The following ZNF688 variants were observed in gnomAD, a reference collection of about 807,000 sequenced individuals.
ZNF688 encodes the protein zinc finger protein 688.
A neutral mutation model predicts 13.2 loss-of-function variants in ZNF688; 10 were observed. That is an observed-to-expected ratio of 0.76 (90% confidence interval 0.47 to 1.28). The LOEUF is 1.28. ZNF688 is among the 50% of genes most tolerant of loss of function. The probability of loss-of-function intolerance (pLI) is 0.00; values close to 1 mark genes in which losing one functional copy is unlikely to be tolerated. For synonymous variants in ZNF688, 160 were observed against 159.4 expected (o/e 1.00, Z -0.03); for missense variants, 381 against 391.4 (o/e 0.97, Z 0.22).
Position 30,571,635 on chromosome 16 carries a change from C to G in ZNF688, c.-6G>C. 7.1e-7 allele frequency: 1 copy of G among 1,401,812 alleles called. No individual in the cohort carries two copies. The highest frequency in any genetic ancestry group is 9.2e-7 in the Non-Finnish European group (1 of 1,081,836). 86.8% of individuals were successfully genotyped at this position (1,401,812 alleles called of 1,614,324 possible). A position where few individuals can be genotyped will look rare whatever the true frequency, so the allele number is the denominator to read the frequency against. ...GGGGCTGGGGGCGGCGCCATGGGGC[C>G]TCGCAGCCCCGATCGGCGGCCGCCA... On this transcript the variant is annotated 5_prime_UTR_variant, in exon 1 of 3. Coordinates refer to ENST00000223459, the MANE Select transcript of ZNF688 (RefSeq NM_145271.4).
intron 2 of ZNF688, chr16:30,570,727 T>G: frequency 3.5e-6 from 1 of 288,432 alleles, no homozygotes; most frequent in Non-Finnish European, 5.9e-6. Context: ...GGGCTATTAT[T>G]TATTTATTTA....
At position 30,569,827 on chromosome 16, in the gene ZNF688, G is replaced by T; in HGVS notation, c.*89C>A. ...AGGAAAGCCCAGGGCATGAATTTCA[G>T]TTCCGGAGTCCCCGACTCAGTGGCC... is the stretch of plus-strand genomic sequence containing the variant. On this transcript the variant is annotated 3_prime_UTR_variant, in exon 3 of 3. Coordinates refer to ENST00000223459, the MANE Select transcript of ZNF688 (RefSeq NM_145271.4). 1 of 1,446,804 alleles carries T rather than the reference G, an allele frequency of 6.9e-7. No individual in the cohort carries two copies. Among genetic ancestry groups the T allele is most frequent in the Non-Finnish European group, 9.1e-7 (1 of 1,096,698 alleles). 89.6% of individuals were successfully genotyped at this position (1,446,804 alleles called of 1,614,324 possible). A position where few individuals can be genotyped will look rare whatever the true frequency, so the allele number is the denominator to read the frequency against.
At position 30,570,207 on chromosome 16, in the gene ZNF688, C is replaced by T; in HGVS notation, c.540G>A (p.Gln180=). Residue 180 remains glutamine (Q), a synonymous_variant, in exon 3 of 3, where the codon CAG becomes CAA. Coordinates refer to ENST00000223459, the MANE Select transcript of ZNF688 (RefSeq NM_145271.4). ...PIPSMDAQAG[Q]RRHVCTDCGR... ...CGCAGTCCGTGCACACGTGGCGCCG[C>T]TGGCCGGCCTGAGCATCCATGCTGG... 8 of 1,612,402 alleles carry T rather than the reference C, an allele frequency of 5.0e-6. No homozygotes were observed. The highest frequency in any genetic ancestry group is 1.7e-4 in the Middle Eastern group (1 of 6,048).
At chr16:30,570,650 C>T in intron 2 of ZNF688, 2 of 561,406 alleles carry the variant, frequency 3.6e-6, no homozygotes, top group Non-Finnish European at 6.0e-6. Context: ...TGGCTTTTGA[C>T]TTCACAGCGT....
upstream of ZNF688, among the ~76,000 whole-genome samples, chr16:30,576,308 C>T (rs1394035237): frequency 6.6e-6 from 1 of 152,154 alleles, no homozygotes; most frequent in African/African-American, 2.4e-5. Context: ...GCTTCCCGGG[C>T]TAACGCCATT....
the ZNF688 span, among the ~76,000 whole-genome samples, chr16:30,577,822 A>G: frequency 1.3e-5 from 2 of 151,910 alleles, no homozygotes; most frequent in Non-Finnish European, 2.9e-5. Flanking sequence ...AGCTGAAAAC[A>G]GCACAACCTG....
At chr16:30,576,167 C>T (rs2051744569), upstream of ZNF688, among the ~76,000 whole-genome samples, 1 of 152,180 alleles carries the variant, frequency 6.6e-6, no homozygotes, top group African/African-American at 2.4e-5. Context: ...CCTGCCTCAG[C>T]CTCCTGAGTA....
chr16:30,575,857 T>G (rs2151233589), upstream of ZNF688, among the ~76,000 whole-genome samples: 1 of 151,594 alleles, frequency 6.6e-6, no homozygotes, highest in South Asian at 2.1e-4. Context: ...GGTTTCTCCA[T>G]GTTGGTCAGG....
At chr16:30,578,182 T>A in the ZNF688 span, among the ~76,000 whole-genome samples, 1 of 152,038 alleles carries the variant, frequency 6.6e-6, no homozygotes, top group Non-Finnish European at 1.5e-5. Context: ...AATACAAAAA[T>A]TAGCTGGGCA....
upstream of ZNF688, among the ~76,000 whole-genome samples, chr16:30,576,516 C>T (rs375774909): frequency 5.9e-5 from 9 of 151,828 alleles, no homozygotes; most frequent in East Asian, 1.6e-3. Context: ...AGCCACCCAG[C>T]TAATTTTTGT....
rs774110635 is a variant in ZNF688 at position 30,570,890 on chromosome 16, C to T, written c.310+120G>A. 3.6e-6 allele frequency: 4 copies of T among 1,106,174 alleles called. No individual in the cohort carries two copies. In the African/African-American group the frequency reaches 4.6e-5, roughly 13 times the overall value. The allele number at this position is 1,106,174 out of a possible 1,614,324, so 68.5% of individuals were successfully genotyped here. The stretch of plus-strand genomic sequence containing the variant: ...TGTACCAGGTCTGCCTTCTTTACTC[C>T]TCTAGTACCCAACACAGTTGAATTT... On this transcript the variant is annotated intron_variant, in intron 2 of 2. Coordinates refer to ENST00000223459, the MANE Select transcript of ZNF688 (RefSeq NM_145271.4).
At position 30,570,294 on chromosome 16, in the gene ZNF688, T is replaced by A; in HGVS notation, c.453A>T (p.Ala151=). The change falls in exon 3 of 3, where the codon GCA becomes GCT. Residue 151 remains alanine, a synonymous_variant. Transcript: ENST00000223459. ...DPAISVAPAR[A]QPPKNAAWDP... is the part of the protein sequence containing the mutation. ...CCCAGGCAGCATTTTTGGGTGGCTG[T>A]GCCCGTGCCGGGGCCACGCTAATAG... The A allele has an allele frequency of 6.2e-7, 1 of 1,614,018 alleles. No homozygotes were observed. The highest frequency in any genetic ancestry group is 8.5e-7 in the Non-Finnish European group (1 of 1,179,986).
the ZNF688 span, chr16:30,578,257 C>T: frequency 6.6e-6 from 1 of 152,262 alleles, no homozygotes; most frequent in Non-Finnish European, 1.5e-5. Flanking sequence ...AACACCTGAG[C>T]CCAGGAGGTC....
At chr16:30,571,317 G>C (rs1373804791) in intron 1 of ZNF688, 117 bp downstream of exon 1, 1 of 1,536,574 alleles carries the variant, frequency 6.5e-7, no homozygotes, top group African/African-American at 1.4e-5. Flanking sequence ...ACGGGAGGTG[G>C]CTGCTGGTGT....
In ZNF688 at chr16:30,570,230, T is replaced by C; in HGVS notation, c.517A>G (p.Ser173Gly). The part of the protein sequence containing the change: ...TGAQPPAPIP[S>G]MDAQAGQRRH... ...CGCTGGCCGGCCTGAGCATCCATGC[T>C]GGGTATGGGTGCCGGGGGCTGTGCT... The change falls in exon 3 of 3, where the codon AGC becomes GGC. Residue 173 changes from serine to glycine, a missense_variant. Coordinates refer to ENST00000223459, the MANE Select transcript of ZNF688 (RefSeq NM_145271.4). The C allele has an allele frequency of 6.2e-7, 1 of 1,613,450 alleles. No individual in the cohort carries two copies. Among genetic ancestry groups the C allele is most frequent in the Non-Finnish European group, 8.5e-7 (1 of 1,179,840 alleles).
chr16:30,570,189 C>T lies in ZNF688; in HGVS notation c.558G>A (p.Thr186=). The part of the protein sequence containing the change: ...AQAGQRRHVC[T]DCGRRFTYPS... ...GGTAGGTGAAGCGGCGGCCGCAGTCCGTGCACACGTGGCGCCGCTGGCCGG... is the reference window on the plus strand; with the variant it reads ...GGTAGGTGAAGCGGCGGCCGCAGTCTGTGCACACGTGGCGCCGCTGGCCGG... The change falls in exon 3 of 3, where the codon ACG becomes ACA. Residue 186 remains threonine (T), a synonymous_variant. Transcript: ENST00000223459. 1.2e-6 allele frequency: 2 copies of T among 1,611,226 alleles called. No individual in the cohort carries two copies. The highest frequency in any genetic ancestry group is 8.5e-7 in the Non-Finnish European group (1 of 1,178,878).
Position 30,569,946 on chromosome 16 carries a change from G to A in ZNF688, c.801C>T (p.His267=). 1 of 1,578,720 alleles carries A rather than the reference G, an allele frequency of 6.3e-7. No homozygotes were observed. Among genetic ancestry groups the A allele is most frequent in the East Asian group, 2.2e-5 (1 of 44,528 alleles). Residue 267 remains histidine (H), a synonymous_variant, in exon 3 of 3, where the codon CAC becomes CAT. Transcript: ENST00000223459. ...CGCACTCCTCGAAGATGTCTGGGTA[G>A]TGCCGGAAGAGCACAGGCGGGTCCC... is the stretch of plus-strand genomic sequence containing the variant. ...GDRDPPVLFR[H]YPDIFEECG
chr16:30,574,889 T>G (rs1475965941), upstream of ZNF688, among the ~76,000 whole-genome samples: 2 of 152,166 alleles, frequency 1.3e-5, no homozygotes, highest in Non-Finnish European at 2.9e-5. Flanking sequence ...CCTTCCAATC[T>G]CTGGTATCAT....
chr16:30,571,015 C>G lies in ZNF688; in HGVS notation c.305G>C (p.Arg102Pro), dbSNP rs140054402. 3.2e-4 allele frequency: 522 copies of G among 1,613,922 alleles called. 14 individuals are homozygous for G. In the East Asian group the frequency reaches 0.012, roughly 36 times the overall value. The change falls in exon 2 of 3, where the codon CGG becomes CCG. Residue 102 changes from arginine (R) to proline (P), a missense_variant. Coordinates refer to ENST00000223459, the MANE Select transcript of ZNF688 (RefSeq NM_145271.4). The stretch of plus-strand genomic sequence containing the variant: ...GACCCGGGACTATCCCTCACCTCTC[C>G]GAGCTCCTCCCAGTCTTTCCCCCTT... ...PEKGERLGGA[R>P]RGDVPNRKEE...
Sources: allele counts gnomAD v4.1 joint callset (sites outside exome capture counted in the v4.1 genomes callset), GRCh38; gene constraint gnomAD v4.1.1; transcripts MANE v1.5; gene names NCBI Gene and HGNC (gene_info 2026-07-23, HGNC 2026-07-21).